Variants in MAPKAPK5 observed in about 807,000 individuals in gnomAD.
MAPKAPK5 encodes the protein MAPK activated protein kinase 5, also known as MAP kinase-activated protein kinase 5.
A neutral mutation model predicts 65.1 loss-of-function variants in MAPKAPK5; 30 were observed. That is an observed-to-expected ratio of 0.46 (90% CI 0.34 to 0.63). The LOEUF (loss-of-function observed/expected upper bound fraction) is 0.63, where lower values mean the gene tolerates loss of function less well. Among genes scored for constraint, MAPKAPK5 ranks in the 20% least tolerant of loss-of-function variants. The pLI is 0.01. For missense variants in MAPKAPK5, 433 were observed against 581.4 expected, an observed-to-expected ratio of 0.74 and a Z score of 2.63; for synonymous variants, 179 against 204.6, an observed-to-expected ratio of 0.87 and a Z score of 1.07.
At chr12:111,886,121 A>C in intron 10 of MAPKAPK5, 85 bp downstream of exon 10, 1 of 1,583,756 alleles carries the variant, frequency 6.3e-7, no homozygotes, top group South Asian at 1.1e-5. Context: ...GGTTAGAGGC[A>C]AAACAGTGCA....
chr12:111,874,133 G>T (rs1023368435), intron 7 of MAPKAPK5, among the ~76,000 whole-genome samples: 2 of 152,082 alleles, frequency 1.3e-5, no homozygotes, highest in Non-Finnish European at 2.9e-5. Flanking sequence ...GGTGGTTCAC[G>T]CCTGTTATAC....
rs749587789 is a variant in MAPKAPK5, at chr12:111,888,915, C to T, written c.1131C>T (p.His377=). ...GTKPKDSVYI[H]DHENGAEDSN... The stretch of plus-strand genomic sequence containing the variant: ...AGCCAAAGGACAGTGTCTATATCCA[C>T]GACCATGAGAATGGAGCCGAGGATT... The change falls in exon 12 of 14, where the codon CAC becomes CAT. Residue 377 remains histidine, a synonymous_variant. Coordinates refer to ENST00000550735, the MANE Select transcript of MAPKAPK5 (RefSeq NM_003668.4). The T allele has an allele frequency of 8.7e-6, 14 of 1,613,600 alleles. No individual in the cohort carries two copies. The highest frequency in any genetic ancestry group is 3.3e-5 in the Admixed American group (2 of 59,962).
Position 111,897,230 on chromosome 12 carries a change from G to A in MAPKAPK5, c.*4169G>A, listed in dbSNP as rs757600647. ...CTGCCTCAGCCTTCTAAGTAGCTGG[G>A]ACTACAGGAGCAAACCACTGTGCCT... is the stretch of plus-strand genomic sequence containing the variant. On this transcript the variant is annotated 3_prime_UTR_variant, in exon 14 of 14. Coordinates refer to ENST00000550735, the MANE Select transcript of MAPKAPK5 (RefSeq NM_003668.4). 1 of 152,226 alleles carries A rather than the reference G, an allele frequency of 6.6e-6. No individual in the cohort carries two copies. Among genetic ancestry groups the A allele is most frequent in the Non-Finnish European group, 1.5e-5 (1 of 68,076 alleles). 9.4% of individuals were successfully genotyped at this position (152,226 alleles called of 1,614,324 possible).
chr12:111,850,965 C>T lies in MAPKAPK5; in HGVS notation c.36+8196C>T, dbSNP rs1270975930. ...CCAGGCTGGAGTGCAGTGGCACGAT[C>T]GCGGCTCACTGCAAGCTCTGCCTCC... is the stretch of plus-strand genomic sequence containing the variant. On this transcript the variant is annotated intron_variant, in intron 1 of 13. Coordinates refer to ENST00000550735, the MANE Select transcript of MAPKAPK5 (RefSeq NM_003668.4). 4.0e-5 allele frequency among the ~76,000 whole-genome samples: 6 copies of T among 149,112 alleles called. No individual in the cohort carries two copies. In the South Asian group the frequency reaches 8.4e-4, roughly 21 times the overall value.
intron 1 of MAPKAPK5, among the ~76,000 whole-genome samples, chr12:111,858,551 T>TC (rs2069322071): frequency 6.6e-6 from 1 of 151,054 alleles, no homozygotes; most frequent in African/African-American, 2.4e-5. Context: ...TTTTTTTTTT[T>TC]TTTTTTTTCC....
rs758795103 is a variant in MAPKAPK5 at position 111,897,394 on chromosome 12, G to A, written c.*4333G>A. ...TGTGTGTGGGTATGTGTATGTGCATGTATTTATTGAAGAAAATAAGTTTCA... is the reference window on the plus strand; with the variant it reads ...TGTGTGTGGGTATGTGTATGTGCATATATTTATTGAAGAAAATAAGTTTCA... On this transcript the variant is annotated 3_prime_UTR_variant, in exon 14 of 14. Coordinates refer to ENST00000550735, the MANE Select transcript of MAPKAPK5 (RefSeq NM_003668.4). The A allele has an allele frequency of 6.6e-5, 10 of 152,190 alleles. No homozygotes were observed. Among genetic ancestry groups the A allele is most frequent in the Non-Finnish European group, 1.3e-4 (9 of 68,028 alleles). The allele number at this position is 152,190 out of a possible 1,614,324, so 9.4% of individuals were successfully genotyped here.
At chr12:111,882,383 AAAG>A (rs146563102) in intron 8 of MAPKAPK5, among the ~76,000 whole-genome samples, 29,582 of 152,046 alleles carry the variant, frequency 0.19, 3,055 homozygotes, top group Middle Eastern at 0.27. Flanking sequence ...CGTCTCAAAA[AAAG>A]AAAATACAGG....
At chr12:111,865,484 T>C (rs2069569483) in intron 2 of MAPKAPK5, among the ~76,000 whole-genome samples, 161 bp downstream of exon 2, 1 of 152,166 alleles carries the variant, frequency 6.6e-6, no homozygotes, top group African/African-American at 2.4e-5. Flanking sequence ...CTTTTTCTCA[T>C]GTATTTAGGA....
chr12:111,846,323 C>A (rs1052417300), intron 1 of MAPKAPK5, among the ~76,000 whole-genome samples: 2 of 152,144 alleles, frequency 1.3e-5, no homozygotes, highest in Non-Finnish European at 2.9e-5. Flanking sequence ...GGCCTCCAGC[C>A]ACAACACTTT....
rs569109591 is a variant in MAPKAPK5 at position 111,891,532 on chromosome 12, G to A, written c.1321+1388G>A. On this transcript the variant is annotated intron_variant, in intron 13 of 13. Coordinates refer to ENST00000550735, the MANE Select transcript of MAPKAPK5 (RefSeq NM_003668.4). ...TTGAGGGCCAGGCACGATGGGTCAC[G>A]CATGTAATCCCAACACTTTGGGAGG... Among the ~76,000 whole-genome samples the A allele has an allele frequency of 6.7e-4, 100 of 149,470 alleles. 1 individual carries two copies. The South Asian group carries it at 0.019, about 28-fold the overall frequency.
intron 9 of MAPKAPK5, chr12:111,885,383 C>T (rs1221810820): frequency 6.6e-6 from 1 of 152,388 alleles, no homozygotes; most frequent in African/African-American, 2.4e-5. Flanking sequence ...AATGCCATCC[C>T]TGTCTCAGAG....
rs2068748818 is a variant in MAPKAPK5 at position 111,842,588 on chromosome 12, C to A, written c.-146C>A. 1 of 465,034 alleles carries A rather than the reference C, an allele frequency of 2.2e-6. No individual in the cohort carries two copies. Among genetic ancestry groups the A allele is most frequent in the South Asian group, 9.5e-5 (1 of 10,528 alleles). The allele number at this position is 465,034 out of a possible 1,614,324, so 28.8% of individuals were successfully genotyped here. Reference sequence around the variant, plus strand: ...GAAGCAGAGCCGGCGCCGGGGTCCTCATCCCCACCGGTCCCGAGGGGCGGC... The same window carrying A: ...GAAGCAGAGCCGGCGCCGGGGTCCTAATCCCCACCGGTCCCGAGGGGCGGC... On this transcript the variant is annotated 5_prime_UTR_variant, in exon 1 of 14. Transcript: ENST00000550735.
chr12:111,888,491 G>A lies in MAPKAPK5; in HGVS notation c.973G>A (p.Val325Met), dbSNP rs2070488554. Residue 325 changes from valine to methionine, a missense_variant, in exon 11 of 14, where the codon GTG becomes ATG. Physicochemically the swap from Val to Met is conservative, Grantham distance 21 (BLOSUM62 1). This residue lies in a region of MAPKAPK5 where 169 missense variants were observed against 215.6 expected (regional missense o/e 0.78). Coordinates refer to ENST00000550735, the MANE Select transcript of MAPKAPK5 (RefSeq NM_003668.4). ...TGACGGCAGTGTTTGCATTCAGGCA[G>A]TGGTTGCAGGAATCCAGCAGGCTCA... ...PSAQLMMDKAVVAGIQQAHAE... is the reference protein window; with the variant it reads ...PSAQLMMDKAMVAGIQQAHAE... 1.2e-6 allele frequency: 2 copies of A among 1,613,468 alleles called. No homozygotes were observed. Among genetic ancestry groups the A allele is most frequent in the South Asian group, 2.2e-5 (2 of 90,964 alleles).
At chr12:111,884,680 C>A (rs12314862) in intron 9 of MAPKAPK5, among the ~76,000 whole-genome samples, 13,247 of 152,158 alleles carry the variant, frequency 0.087, 1,913 homozygotes, top group African/African-American at 0.3. Flanking sequence ...GGCTGGGTGC[C>A]CATGGACTTA....
chr12:111,866,015 C>A, intron 2 of MAPKAPK5, 141 bp from the exon 3 acceptor site: 1 of 628,538 alleles, frequency 1.6e-6, no homozygotes, highest in Non-Finnish European at 2.7e-6. Context: ...CCCCCACCTG[C>A]TACCCTTGGG....
chr12:111,871,254 G>A, intron 7 of MAPKAPK5, 74 bp downstream of exon 7: 2 of 1,183,332 alleles, frequency 1.7e-6, no homozygotes, highest in Non-Finnish European at 1.2e-6. Flanking sequence ...CTATTCTACA[G>A]CACAAGTAGG....
intron 6 of MAPKAPK5, among the ~76,000 whole-genome samples, chr12:111,870,840 C>T (rs1414740445): frequency 2.6e-5 from 4 of 152,086 alleles, no homozygotes; most frequent in African/African-American, 9.7e-5. Context: ...TAGTGCTGCC[C>T]TTACAAGTTC....
At position 111,895,597 on chromosome 12, in the gene MAPKAPK5, C is replaced by G. The variant is rs1328596313; in HGVS notation, c.*2536C>G. On this transcript the variant is annotated 3_prime_UTR_variant, in exon 14 of 14. Coordinates refer to ENST00000550735, the MANE Select transcript of MAPKAPK5 (RefSeq NM_003668.4). The stretch of plus-strand genomic sequence containing the variant: ...CCAGGCTGGAGTGCAGTGGCTTGCT[C>G]TTGGCTCACTGCAACCTCTGCCTCC... The G allele has an allele frequency of 6.9e-6, 1 of 143,896 alleles. No individual in the cohort carries two copies. The highest frequency in any genetic ancestry group is 7.4e-5 in the Admixed American group (1 of 13,510). The allele number at this position is 143,896 out of a possible 1,614,324, so 8.9% of individuals were successfully genotyped here.
chr12:111,888,701 C>A, intron 11 of MAPKAPK5, 83 bp downstream of exon 11: 1 of 1,574,446 alleles, frequency 6.4e-7, no homozygotes, highest in African/African-American at 1.4e-5. Context: ...ATTTAACTTG[C>A]TCAGCTAGGG....
Sources: gnomAD v4.1 joint callset for allele counts (sites outside exome capture counted in the v4.1 genomes callset) on GRCh38, gnomAD v4.1.1 for gene constraint, gnomAD v4.1.1 regional missense constraint, MANE v1.5 for transcripts, NCBI Gene and HGNC (gene_info 2026-07-23, HGNC 2026-07-21) for gene names.